PRR27: variants seen among roughly 807,000 people sequenced by gnomAD.
PRR27 encodes proline rich 27.
Under a neutral mutation model 16.8 loss-of-function variants are expected in PRR27, and 12 were observed. The ratio of observed to expected loss-of-function variants is 0.71; its 90% CI spans 0.46 to 1.16. The LOEUF (loss-of-function observed/expected upper bound fraction) is 1.16, where lower values mean the gene tolerates loss of function less well. Among genes scored for constraint, PRR27 ranks in the 50% most tolerant of loss-of-function variants. PRR27 has a pLI of 0.00. For synonymous variants in PRR27, 100 were observed against 98.4 expected (o/e 1.02, Z -0.10); for missense variants, 277 against 273.3 (o/e 1.01, Z -0.10).
At chr4:70,156,177 G>T in intron 2 of PRR27, 100 bp downstream of exon 2, 1 of 552,438 alleles carries the variant, frequency 1.8e-6, no homozygotes, top group South Asian at 3.6e-5. Context: ...GAAACTTAAT[G>T]ACTGCTATTG....
At chr4:70,161,945 C>CT (rs1470221562) in intron 4 of PRR27, among the ~76,000 whole-genome samples, 2 of 152,160 alleles carry the variant, frequency 1.3e-5, no homozygotes, top group African/African-American at 2.4e-5. Flanking sequence ...GAGGGTTGGA[C>CT]TATACATAGA....
rs141586629 is a variant in PRR27, at chr4:70,158,454, A to G, written c.202A>G (p.Thr68Ala). The G allele has an allele frequency of 5.1e-4, 824 of 1,613,802 alleles. 4 individuals carry two copies. The highest frequency in any genetic ancestry group is 3.3e-4 in the Middle Eastern group (2 of 6,084). The change falls in exon 3 of 5, where the codon ACT becomes GCT. Residue 68 changes from threonine to alanine, a missense_variant. Transcript: ENST00000344526. ...TVPSYPGNTY[T>A]DTGLPSYPWI... The stretch of plus-strand genomic sequence containing the variant: ...CCCCAGTTACCCTGGGAATACTTAC[A>G]CTGACACAGGGTTACCTTCGTATCC...
rs181849207 is a variant in PRR27 at position 70,165,936 on chromosome 4, A to T, written c.*3275A>T. The T allele has an allele frequency of 6.6e-6, 1 of 152,238 alleles. No individual in the cohort carries two copies. Among genetic ancestry groups the T allele is most frequent in the African/African-American group, 2.4e-5 (1 of 41,566 alleles). The allele number at this position is 152,238 out of a possible 1,614,324, so 9.4% of individuals were successfully genotyped here. ...TTCTATTTCTTTCTTTTGTGGCCAG[A>T]AAGTCAGGACCTCAAAGAGGTATAA... is the stretch of plus-strand genomic sequence containing the variant. On this transcript the variant is annotated 3_prime_UTR_variant, in exon 5 of 5. Transcript: ENST00000344526.
intron 3 of PRR27, among the ~76,000 whole-genome samples, chr4:70,161,076 C>T (rs1185637887): frequency 1.3e-5 from 2 of 149,488 alleles, no homozygotes; most frequent in African/African-American, 4.9e-5. Flanking sequence ...TCCAATGCTT[C>T]CAATGCTTCA....
chr4:70,156,542 A>T (rs1728486724), intron 2 of PRR27, among the ~76,000 whole-genome samples: 1 of 152,216 alleles, frequency 6.6e-6, no homozygotes, highest in South Asian at 2.1e-4. Context: ...AGTGTGTCCC[A>T]ATGAGTTAGA....
chr4:70,158,425 C>A lies in PRR27; in HGVS notation c.173C>A (p.Thr58Lys). 1.2e-6 allele frequency: 2 copies of A among 1,613,268 alleles called. No homozygotes were observed. Among genetic ancestry groups the A allele is most frequent in the Non-Finnish European group, 1.7e-6 (2 of 1,179,262 alleles). The change falls in exon 3 of 5, where the codon ACA becomes AAA. Residue 58 changes from threonine to lysine, a missense_variant. By Grantham distance (78) the Thr-to-Lys change is moderately conservative. Coordinates refer to ENST00000344526, the MANE Select transcript of PRR27 (RefSeq NM_214711.4). ...CCTCTTTATTATCGCCCAGTGAATA[C>A]AGTCCCCAGTTACCCTGGGAATACT... Reference protein sequence around the residue: ...PPPLYYRPVNTVPSYPGNTYT... With the variant: ...PPPLYYRPVNKVPSYPGNTYT...
intron 3 of PRR27, among the ~76,000 whole-genome samples, chr4:70,159,787 T>G (rs1450535277): frequency 6.6e-6 from 1 of 152,192 alleles, no homozygotes; most frequent in African/African-American, 2.4e-5. Flanking sequence ...AATGTTTTTA[T>G]CCAAGGCTAA....
intron 3 of PRR27, among the ~76,000 whole-genome samples, chr4:70,159,180 C>T (rs79725549): frequency 0.043 from 6,594 of 152,278 alleles, 495 homozygotes; most frequent in African/African-American, 0.15. Context: ...CATTCCCCAT[C>T]CTCCCATCCC....
chr4:70,158,658 G>C lies in PRR27; in HGVS notation c.406G>C (p.Ala136Pro), dbSNP rs748538660. The change falls in exon 3 of 5, where the codon GCT becomes CCT. Residue 136 changes from alanine (A) to proline (P), a missense_variant. Transcript: ENST00000344526. ...ACCTATTGCAGCTGAGCCTGCTGCA[G>C]CTGCACCTCTTACAGCCACACCTGT... ...APPIAAEPAA[A>P]APLTATPVAA... The C allele has an allele frequency of 6.2e-7, 1 of 1,614,004 alleles. No individual in the cohort carries two copies. The highest frequency in any genetic ancestry group is 8.5e-7 in the Non-Finnish European group (1 of 1,179,978).
At position 70,166,152 on chromosome 4, in the gene PRR27, G is replaced by A. The variant is rs779493315; in HGVS notation, c.*3491G>A. The A allele has an allele frequency of 6.6e-6, 1 of 151,954 alleles. No homozygotes were observed. The highest frequency in any genetic ancestry group is 1.5e-5 in the Non-Finnish European group (1 of 67,908). The allele number at this position is 151,954 out of a possible 1,614,324, so 9.4% of individuals were successfully genotyped here. On this transcript the variant is annotated 3_prime_UTR_variant, in exon 5 of 5. Coordinates refer to ENST00000344526, the MANE Select transcript of PRR27 (RefSeq NM_214711.4). ...TCTGAGACTTTTCACATTTTTGAAT[G>A]TATTCATAGTTTCACTTTAATTGAT...
rs189011245 is a variant in PRR27, at chr4:70,162,356, T to A, written c.*34-339T>A. Among the ~76,000 whole-genome samples, 22 of 152,326 alleles carry A rather than the reference T, an allele frequency of 1.4e-4. No homozygotes were observed. The East Asian group carries it at 3.7e-3, about 25-fold the overall frequency. On this transcript the variant is annotated intron_variant, in intron 4 of 4. Coordinates refer to ENST00000344526, the MANE Select transcript of PRR27 (RefSeq NM_214711.4). ...GGTATTTATTATTGTTGGTGATACC[T>A]CTTTACAGCAGCCATTGCCAAAGAA... is the stretch of plus-strand genomic sequence containing the variant.
At chr4:70,161,179 TAC>T (rs1553902907) in intron 3 of PRR27, among the ~76,000 whole-genome samples, 10 of 107,628 alleles carry the variant, frequency 9.3e-5, no homozygotes, top group South Asian at 2.9e-4. Flanking sequence ...TATATATATA[TAC>T]ACACATACAT....
Position 70,163,232 on chromosome 4 carries a change from A to G in PRR27, c.*571A>G, listed in dbSNP as rs996096228. 8 of 151,922 alleles carry G rather than the reference A, an allele frequency of 5.3e-5. No individual in the cohort carries two copies. The highest frequency in any genetic ancestry group is 1.2e-4 in the Non-Finnish European group (8 of 67,968). The allele number at this position is 151,922 out of a possible 1,614,324, so 9.4% of individuals were successfully genotyped here. ...TTTACTTCAAAAAATATACCCCCAA[A>G]TCCTAATACTTCTAACCTTCTCCAC... On this transcript the variant is annotated 3_prime_UTR_variant, in exon 5 of 5. Coordinates refer to ENST00000344526, the MANE Select transcript of PRR27 (RefSeq NM_214711.4).
intron 3 of PRR27, among the ~76,000 whole-genome samples, chr4:70,160,639 A>T (rs555650609): frequency 6.6e-6 from 1 of 152,086 alleles, no homozygotes; most frequent in East Asian, 1.9e-4. Context: ...ATGTTTGCAC[A>T]TTATTTTTGT....
chr4:70,154,866 C>G, intron 1 of PRR27: 1 of 841,952 alleles, frequency 1.2e-6, no homozygotes, highest in Non-Finnish European at 1.7e-6. Context: ...TGGACTGTAA[C>G]GTAATATAGT....
intron 3 of PRR27, among the ~76,000 whole-genome samples, chr4:70,161,162 A>ATATATATATATG (rs1421203692): frequency 3.5e-5 from 4 of 114,804 alleles, no homozygotes; most frequent in Non-Finnish European, 6.9e-5. Context: ...CACTGTATAT[A>ATATATATATATG]TATATATATA....
At chr4:70,156,517 A>G (rs1255094228) in intron 2 of PRR27, among the ~76,000 whole-genome samples, 1 of 152,154 alleles carries the variant, frequency 6.6e-6, no homozygotes, top group Non-Finnish European at 1.5e-5. Context: ...CAAGCTAGGA[A>G]CCACTAGCAG....
rs1728678178 is a variant in PRR27, at chr4:70,162,834, A to G, written c.*173A>G. The G allele has an allele frequency of 6.6e-6, 1 of 152,152 alleles. No homozygotes were observed. Among genetic ancestry groups the G allele is most frequent in the South Asian group, 2.1e-4 (1 of 4,830 alleles). The allele number at this position is 152,152 out of a possible 1,614,324, so 9.4% of individuals were successfully genotyped here. On this transcript the variant is annotated 3_prime_UTR_variant, in exon 5 of 5. Transcript: ENST00000344526. ...TTTTCCTTGGACTTAATTTATATTGAAAAAACATTGATAATTAAATAAATA... is the reference window on the plus strand; with the variant it reads ...TTTTCCTTGGACTTAATTTATATTGGAAAAACATTGATAATTAAATAAATA...
chr4:70,165,833 C>T lies in PRR27; in HGVS notation c.*3172C>T, dbSNP rs1728754682. On this transcript the variant is annotated 3_prime_UTR_variant, in exon 5 of 5. Coordinates refer to ENST00000344526, the MANE Select transcript of PRR27 (RefSeq NM_214711.4). The stretch of plus-strand genomic sequence containing the variant: ...CGCATTTACGATTAAGAAATGTTCA[C>T]ACCTTCACACTGGTATCAACTGCAA... 1 of 152,106 alleles carries T rather than the reference C, an allele frequency of 6.6e-6. No homozygotes were observed. Among genetic ancestry groups the T allele is most frequent in the Non-Finnish European group, 1.5e-5 (1 of 67,974 alleles). The allele number at this position is 152,106 out of a possible 1,614,324, so 9.4% of individuals were successfully genotyped here.
Sources: allele counts gnomAD v4.1 joint callset (sites outside exome capture counted in the v4.1 genomes callset), GRCh38; gene constraint gnomAD v4.1.1; transcripts MANE v1.5; gene names NCBI Gene and HGNC (gene_info 2026-07-23, HGNC 2026-07-21).